PHACTR3: variants seen among roughly 807,000 people sequenced by gnomAD.
The protein encoded by PHACTR3 is protein phosphatase 1, regulatory subunit 123.
In PHACTR3, 16 loss-of-function variants were observed where a neutral mutation model predicts 66.8. That is an observed-to-expected ratio of 0.24 (90% confidence interval 0.16 to 0.36). The LOEUF is 0.36. Among genes scored for constraint, PHACTR3 ranks in the 10% least tolerant of loss-of-function variants. The pLI, the probability that PHACTR3 is intolerant of heterozygous loss-of-function variation, is 1.00. For synonymous variants in PHACTR3, 323 were observed against 292.1 expected (o/e 1.11, Z -1.08); for missense variants, 647 against 719.9 (o/e 0.90, Z 1.16).
intron 5 of PHACTR3, among the ~76,000 whole-genome samples, chr20:59,771,400 T>A (rs765879720): frequency 1.3e-5 from 2 of 151,876 alleles, no homozygotes; most frequent in Non-Finnish European, 2.9e-5. Flanking sequence ...TGGGGATGGG[T>A]CTCCCTGCAG....
At chr20:59,764,408 A>G (rs958769508) in intron 4 of PHACTR3, among the ~76,000 whole-genome samples, 1 of 152,082 alleles carries the variant, frequency 6.6e-6, no homozygotes, top group African/African-American at 2.4e-5. Flanking sequence ...CCTGGAGGAG[A>G]TGAGTCAGAG....
intron 11 of PHACTR3, among the ~76,000 whole-genome samples, chr20:59,842,604 A>G (rs1274769472): frequency 6.6e-6 from 1 of 152,160 alleles, no homozygotes; most frequent in African/African-American, 2.4e-5. Flanking sequence ...TTTATCTGAG[A>G]AAGAAGTACA....
At chr20:59,791,451 G>T (rs939312021) in intron 7 of PHACTR3, among the ~76,000 whole-genome samples, 3 of 152,180 alleles carry the variant, frequency 2.0e-5, no homozygotes, top group Admixed American at 2.0e-4. Flanking sequence ...GTAGGTTGAA[G>T]GGTGGCTCTG....
intron 1 of PHACTR3, among the ~76,000 whole-genome samples, chr20:59,585,071 G>A (rs535858268): frequency 2.0e-5 from 3 of 152,228 alleles, no homozygotes; most frequent in Non-Finnish European, 2.9e-5. Context: ...CGTGAGCGGG[G>A]CCTCGGGTCC....
chr20:59,739,018 A>G (rs2039054109), intron 1 of PHACTR3, among the ~76,000 whole-genome samples: 1 of 152,044 alleles, frequency 6.6e-6, no homozygotes, highest in Non-Finnish European at 1.5e-5. Context: ...GAGAACATGG[A>G]ATGCATTGTC....
chr20:59,698,267 T>C (rs1172584164), intron 1 of PHACTR3, among the ~76,000 whole-genome samples: 1 of 151,940 alleles, frequency 6.6e-6, no homozygotes, highest in South Asian at 2.1e-4. Context: ...ATATATAGCA[T>C]GTCAATGTGA....
At chr20:59,821,619 C>T (rs761643156) in intron 8 of PHACTR3, among the ~76,000 whole-genome samples, 23 of 152,236 alleles carry the variant, frequency 1.5e-4, no homozygotes, top group Admixed American at 3.9e-4. Context: ...GTAGGAAACT[C>T]GCGGCTTCTG....
chr20:59,656,434 C>G (rs2035622796), intron 1 of PHACTR3, among the ~76,000 whole-genome samples: 1 of 151,866 alleles, frequency 6.6e-6, no homozygotes, highest in Admixed American at 6.6e-5. Context: ...TTTAGAGTAG[C>G]TTTATCTGAT....
chr20:59,837,607 G>A (rs1479663496), intron 9 of PHACTR3, among the ~76,000 whole-genome samples: 1 of 152,172 alleles, frequency 6.6e-6, no homozygotes, highest in African/African-American at 2.4e-5. Flanking sequence ...TACCATCTCT[G>A]AGGATTTAAA....
chr20:59,626,204 G>A (rs1364665498), intron 1 of PHACTR3, among the ~76,000 whole-genome samples: 1 of 152,208 alleles, frequency 6.6e-6, no homozygotes, highest in Non-Finnish European at 1.5e-5. Flanking sequence ...CGTTTTTTGA[G>A]TATGCATATA....
intron 9 of PHACTR3, 81 bp from the exon 10 acceptor site, chr20:59,840,288 G>C: frequency 6.5e-7 from 1 of 1,535,340 alleles, no homozygotes; most frequent in Non-Finnish European, 8.7e-7. Flanking sequence ...GATATCTTGG[G>C]AACACTTCCC....
chr20:59,674,171 G>A (rs1422227169), intron 1 of PHACTR3, among the ~76,000 whole-genome samples: 1 of 143,020 alleles, frequency 7.0e-6, no homozygotes, highest in Non-Finnish European at 1.5e-5. Flanking sequence ...ATTAGCAAGG[G>A]CAAGACGTCT....
At chr20:59,800,831 T>C (rs2041390973) in intron 7 of PHACTR3, among the ~76,000 whole-genome samples, 1 of 152,142 alleles carries the variant, frequency 6.6e-6, no homozygotes, top group Non-Finnish European at 1.5e-5. Context: ...TCATGCCAGG[T>C]TTTGCTTTAA....
chr20:59,651,417 A>G (rs2035455667), intron 1 of PHACTR3, among the ~76,000 whole-genome samples: 1 of 152,224 alleles, frequency 6.6e-6, no homozygotes, highest in African/African-American at 2.4e-5. Flanking sequence ...TAAAAATAGA[A>G]CATTTAAAAA....
At chr20:59,840,484 G>A (rs901008751) in intron 10 of PHACTR3, 54 bp downstream of exon 10, 123 of 1,603,884 alleles carry the variant, frequency 7.7e-5, no homozygotes, top group Middle Eastern at 1.7e-4. Flanking sequence ...GAGAACAGCT[G>A]CTTCGGTAGC....
intron 5 of PHACTR3, 64 bp from the exon 6 acceptor site, chr20:59,773,215 C>T (rs2040413267): frequency 6.5e-7 from 1 of 1,546,732 alleles, no homozygotes; most frequent in African/African-American, 1.4e-5. Context: ...TCCCCAGTCT[C>T]AGCAAAACCC....
intron 1 of PHACTR3, among the ~76,000 whole-genome samples, chr20:59,641,635 G>A (rs2035106244): frequency 6.6e-6 from 1 of 152,076 alleles, no homozygotes. Context: ...CTCCCTCATG[G>A]GCACCCAAAA....
intron 1 of PHACTR3, among the ~76,000 whole-genome samples, chr20:59,640,886 A>C (rs1427938942): frequency 6.6e-6 from 1 of 152,298 alleles, no homozygotes; most frequent in African/African-American, 2.4e-5. Context: ...GTAAAAATGG[A>C]CCAAAAATGA....
intron 5 of PHACTR3, among the ~76,000 whole-genome samples, chr20:59,768,241 A>G (rs1377538001): frequency 6.6e-6 from 1 of 152,224 alleles, no homozygotes; most frequent in Non-Finnish European, 1.5e-5. Context: ...TCAGGGAAAA[A>G]GTAGGCTGTT....
Sources: allele counts gnomAD v4.1 joint callset (sites outside exome capture counted in the v4.1 genomes callset), GRCh38; gene constraint gnomAD v4.1.1; transcripts MANE v1.5; gene names NCBI Gene and HGNC (gene_info 2026-07-23, HGNC 2026-07-21).